The following UCK2 variants were observed in gnomAD, a reference collection of about 807,000 sequenced individuals.
UCK2 encodes uridine-cytidine kinase 2, also known as cytidine monophosphokinase 2.
In UCK2, 6 loss-of-function variants were observed where a neutral mutation model predicts 30.8. The observed-to-expected ratio is 0.19, with a 90% CI of 0.11 to 0.38. The LOEUF (loss-of-function observed/expected upper bound fraction) is 0.38. Among genes scored for constraint, UCK2 ranks in the 10% least tolerant of loss-of-function variants. The pLI, the probability that UCK2 is intolerant of heterozygous loss-of-function variation, is 1.00. For synonymous variants in UCK2, 125 were observed against 133.6 expected (o/e 0.94, Z 0.45); for missense variants, 210 against 339.8 (o/e 0.62, Z 3.00).
chr1:165,831,541 G>A lies in UCK2; in HGVS notation c.99+3609G>A, dbSNP rs116189528. Among the ~76,000 whole-genome samples the A allele has an allele frequency of 8.9e-4, 136 of 152,218 alleles. 1 individual carries two copies. The highest frequency in any genetic ancestry group is 2.3e-3 in the African/African-American group (97 of 41,530). On this transcript the variant is annotated intron_variant, in intron 1 of 6. Coordinates refer to ENST00000367879, the MANE Select transcript of UCK2 (RefSeq NM_012474.5). ...TCCTTTTCATCTTTGCCTGTTCCTT[G>A]TTCTGTAACCTCTTCATTGGACAAC...
chr1:165,844,661 C>T (rs1442818516), intron 1 of UCK2, among the ~76,000 whole-genome samples: 1 of 152,196 alleles, frequency 6.6e-6, no homozygotes, highest in Non-Finnish European at 1.5e-5. Flanking sequence ...GCCCCATGCC[C>T]CTGACCTCTG....
intron 1 of UCK2, among the ~76,000 whole-genome samples, chr1:165,840,984 C>A (rs1375517462): frequency 6.6e-6 from 1 of 152,122 alleles, no homozygotes; most frequent in Non-Finnish European, 1.5e-5. Context: ...GCTACCTCTC[C>A]TATCAACTGT....
intron 1 of UCK2, among the ~76,000 whole-genome samples, chr1:165,842,329 T>C (rs1654350190): frequency 6.6e-6 from 1 of 152,202 alleles, no homozygotes; most frequent in Non-Finnish European, 1.5e-5. Context: ...TTGAGTCCTT[T>C]CCTGGGCTTC....
intron 1 of UCK2, among the ~76,000 whole-genome samples, chr1:165,841,745 GT>G (rs1410214975): frequency 6.6e-6 from 1 of 152,164 alleles, no homozygotes; most frequent in East Asian, 1.9e-4. Flanking sequence ...CATGGTTGGT[GT>G]TTTTAAGCGT....
intron 1 of UCK2, among the ~76,000 whole-genome samples, chr1:165,855,842 C>G (rs1045704914): frequency 5.9e-5 from 9 of 152,022 alleles, no homozygotes; most frequent in African/African-American, 2.2e-4. Flanking sequence ...TTGTCCTGGC[C>G]AATGTGAAAC....
chr1:165,901,054 G>T (rs1338182486), intron 4 of UCK2, among the ~76,000 whole-genome samples: 2 of 152,138 alleles, frequency 1.3e-5, no homozygotes, highest in Non-Finnish European at 2.9e-5. Flanking sequence ...GGACTTCTGG[G>T]GGGTGAGCCA....
chr1:165,867,171 C>T (rs969606411), intron 1 of UCK2, among the ~76,000 whole-genome samples: 3 of 152,162 alleles, frequency 2.0e-5, no homozygotes, highest in Admixed American at 6.5e-5. Flanking sequence ...TACTAAAAAT[C>T]GTAGATACCT....
chr1:165,868,740 T>A lies in UCK2; in HGVS notation c.100-21464T>A, dbSNP rs192629398. Among the ~76,000 whole-genome samples the A allele has an allele frequency of 1.3e-3, 199 of 152,342 alleles. 2 individuals are homozygous for A. The highest frequency in any genetic ancestry group is 4.5e-3 in the African/African-American group (188 of 41,592). On this transcript the variant is annotated intron_variant, in intron 1 of 6. Coordinates refer to ENST00000367879, the MANE Select transcript of UCK2 (RefSeq NM_012474.5). ...TTGATATTCTATCCAGACCAAACTT[T>A]CTTCGTATCAGTAATAAGGCTGTTT...
intron 1 of UCK2, among the ~76,000 whole-genome samples, chr1:165,855,450 G>A (rs1166508992): frequency 6.6e-6 from 1 of 151,176 alleles, no homozygotes; most frequent in African/African-American, 2.4e-5. Context: ...AGAATCCATC[G>A]TGGTAGGAAG....
At chr1:165,837,285 CT>C (rs1271039235) in intron 1 of UCK2, among the ~76,000 whole-genome samples, 1 of 152,210 alleles carries the variant, frequency 6.6e-6, no homozygotes, top group Non-Finnish European at 1.5e-5. Flanking sequence ...CTTACAAGCC[CT>C]TACATTTTGA....
intron 5 of UCK2, 84 bp from the exon 6 acceptor site, chr1:165,905,837 C>A: frequency 7.7e-7 from 1 of 1,302,508 alleles, no homozygotes; most frequent in Non-Finnish European, 1.1e-6. Context: ...TGAATGCTGC[C>A]CTTTCCCCAT....
At chr1:165,831,364 A>C (rs531852737) in intron 1 of UCK2, among the ~76,000 whole-genome samples, 2 of 152,236 alleles carry the variant, frequency 1.3e-5, no homozygotes, top group Non-Finnish European at 2.9e-5. Flanking sequence ...AGACTGGGCA[A>C]CGTAGCAAGA....
At chr1:165,904,807 G>T (rs1571302744) in intron 5 of UCK2, among the ~76,000 whole-genome samples, 1 of 152,172 alleles carries the variant, frequency 6.6e-6, no homozygotes, top group South Asian at 2.1e-4. Context: ...GTGTTCTTAT[G>T]CTAGACTTAG....
At position 165,911,230 on chromosome 1, in the gene UCK2, C is replaced by A. The variant is rs1206830309; in HGVS notation, c.*3407C>A. On this transcript the variant is annotated 3_prime_UTR_variant, in exon 7 of 7. Transcript: ENST00000367879. ...GGAAGGGACTGCCTGTACTTCTGTA[C>A]CACCGTTGCCCTTTACACTTTGCTC... The A allele has an allele frequency of 6.6e-6, 1 of 152,284 alleles. No individual in the cohort carries two copies. Among genetic ancestry groups the A allele is most frequent in the Non-Finnish European group, 1.5e-5 (1 of 68,112 alleles). The allele number at this position is 152,284 out of a possible 1,614,324, so 9.4% of individuals were successfully genotyped here.
chr1:165,879,269 CTTG>C (rs1351819424), intron 1 of UCK2, among the ~76,000 whole-genome samples: 1 of 152,150 alleles, frequency 6.6e-6, no homozygotes, highest in East Asian at 1.9e-4. Flanking sequence ...CAGCCTGTAT[CTTG>C]TTGTCATTCT....
chr1:165,843,367 A>C (rs1335431939), intron 1 of UCK2, among the ~76,000 whole-genome samples: 1 of 152,186 alleles, frequency 6.6e-6, no homozygotes, highest in Non-Finnish European at 1.5e-5. Flanking sequence ...CTTTAAATGA[A>C]CCCTACATTT....
In UCK2 at chr1:165,897,316, A is replaced by G. The variant is rs182582041; in HGVS notation, c.499+984A>G. Among the ~76,000 whole-genome samples, 9 of 152,274 alleles carry G rather than the reference A, an allele frequency of 5.9e-5. No homozygotes were observed. The East Asian group carries it at 1.5e-3, about 26-fold the overall frequency. ...GGTTCTGACAAAGGAAATGTAAGTG[A>G]AGCCTGTAGCTGGAGCAGCTCTTTG... On this transcript the variant is annotated intron_variant, in intron 4 of 6. Coordinates refer to ENST00000367879, the MANE Select transcript of UCK2 (RefSeq NM_012474.5).
rs560171732 is a variant in UCK2 at position 165,837,336 on chromosome 1, C to A, written c.99+9404C>A. On this transcript the variant is annotated intron_variant, in intron 1 of 6. Coordinates refer to ENST00000367879, the MANE Select transcript of UCK2 (RefSeq NM_012474.5). The stretch of plus-strand genomic sequence containing the variant: ...GCCTTGAGTATCCTGTAATTGTTAC[C>A]ACTGGTCACACAAAGTACTTCTTGA... Among the ~76,000 whole-genome samples, 3 of 152,070 alleles carry A rather than the reference C, an allele frequency of 2.0e-5. No homozygotes were observed. In the South Asian group the frequency reaches 6.2e-4, roughly 32 times the overall value.
intron 6 of UCK2, 151 bp downstream of exon 6, chr1:165,906,120 C>G: frequency 1.4e-6 from 1 of 716,228 alleles, no homozygotes; most frequent in Admixed American, 2.3e-5. Flanking sequence ...TCCACCTACA[C>G]GTCTGGCCTC....
Sources: allele counts gnomAD v4.1 joint callset (sites outside exome capture counted in the v4.1 genomes callset), GRCh38; gene constraint gnomAD v4.1.1; transcripts MANE v1.5; gene names NCBI Gene and HGNC (gene_info 2026-07-23, HGNC 2026-07-21).